The following RAP1B variants were observed in gnomAD, a reference collection of about 807,000 sequenced individuals.
RAP1B encodes RAP1B, member of RAS oncogene family.
A neutral mutation model predicts 27.5 loss-of-function variants in RAP1B; 1 was observed. The ratio of observed to expected loss-of-function variants is 0.04; its 90% CI spans 0.01 to 0.17. The LOEUF (loss-of-function observed/expected upper bound fraction) is 0.17. RAP1B is among the 10% of genes least tolerant of loss of function. RAP1B has a pLI of 1.00. For missense variants in RAP1B, 84 were observed against 214.8 expected (o/e 0.39, Z 3.81); for synonymous variants, 75 against 73.1 (o/e 1.03, Z -0.13).
Position 68,660,279 on chromosome 12 carries a change from C to CAGT in RAP1B, c.*1032_*1034dup. The stretch of plus-strand genomic sequence containing the variant: ...GTAATTGGTCACAAGGCCTAATTTG[C>CAGT]AGTAACTATTGCTGTTTTATTTAAC... On this transcript the variant is annotated 3_prime_UTR_variant, in exon 8 of 8. Transcript: ENST00000250559. 7.3e-6 allele frequency: 1 copy of CAGT among 137,224 alleles called. No individual in the cohort carries two copies. 8.5% of individuals were successfully genotyped at this position (137,224 alleles called of 1,614,324 possible).
At chr12:68,626,797 T>G in intron 1 of RAP1B, 5 of 1,349,748 alleles carry the variant, frequency 3.7e-6, no homozygotes, top group Non-Finnish European at 5.1e-6. Context: ...TGTTTGTTTG[T>G]TTGTTTGTTT....
At chr12:68,626,088 T>G in intron 1 of RAP1B, among the ~76,000 whole-genome samples, 1 of 152,226 alleles carries the variant, frequency 6.6e-6, no homozygotes, top group Admixed American at 6.5e-5. Flanking sequence ...TTCGGCCTTG[T>G]GTTGAAACAG....
In RAP1B at chr12:68,631,045, C is replaced by G. The variant is rs570862479; in HGVS notation, c.-26-17654C>G. 7.3e-4 allele frequency among the ~76,000 whole-genome samples: 111 copies of G among 152,074 alleles called. 3 individuals are homozygous for G. In the South Asian group the frequency reaches 0.022, roughly 30 times the overall value. ...TACATGTGAGGTTGTAGGCAAATAC[C>G]CTAAGTGCTATGTTCTGTGATAGTG... On this transcript the variant is annotated intron_variant, in intron 1 of 7. Transcript: ENST00000250559.
chr12:68,654,276 T>C (rs1427052144), intron 5 of RAP1B, 24 bp downstream of exon 5: 4 of 1,358,274 alleles, frequency 2.9e-6, no homozygotes, highest in Middle Eastern at 2.0e-4. Flanking sequence ...CAAATAAATA[T>C]ATTTTATTTC....
Position 68,660,812 on chromosome 12 carries a change from T to C in RAP1B, c.*1563T>C, listed in dbSNP as rs1874554059. ...CCTTTGGGTAATGTTCAGTAGCTATTTGATGAGGTAGGTAAAAGAGGAACG... is the reference window on the plus strand; with the variant it reads ...CCTTTGGGTAATGTTCAGTAGCTATCTGATGAGGTAGGTAAAAGAGGAACG... On this transcript the variant is annotated 3_prime_UTR_variant, in exon 8 of 8. Transcript: ENST00000250559. The C allele has an allele frequency of 6.6e-6, 1 of 152,200 alleles. No homozygotes were observed. Among genetic ancestry groups the C allele is most frequent in the Non-Finnish European group, 1.5e-5 (1 of 68,028 alleles). 9.4% of individuals were successfully genotyped at this position (152,200 alleles called of 1,614,324 possible).
chr12:68,619,637 G>A lies in RAP1B; in HGVS notation c.-27+8594G>A, dbSNP rs145523219. 1.6e-4 allele frequency among the ~76,000 whole-genome samples: 24 copies of A among 152,260 alleles called. No individual in the cohort carries two copies. In the East Asian group the frequency reaches 4.2e-3, roughly 27 times the overall value. ...AAATGCTATTAAAATATTCCCAACTGTCTAATGTATTTTGTATTACTTATT... is the reference window on the plus strand; with the variant it reads ...AAATGCTATTAAAATATTCCCAACTATCTAATGTATTTTGTATTACTTATT... On this transcript the variant is annotated intron_variant, in intron 1 of 7. Coordinates refer to ENST00000250559, the MANE Select transcript of RAP1B (RefSeq NM_001010942.3).
At chr12:68,656,734 T>C in intron 6 of RAP1B, 1 of 532,302 alleles carries the variant, frequency 1.9e-6, no homozygotes, top group Non-Finnish European at 3.3e-6. Flanking sequence ...TGAAGGATGT[T>C]ATATGAAAAA....
intron 1 of RAP1B, among the ~76,000 whole-genome samples, chr12:68,635,357 G>A (rs913550472): frequency 1.3e-5 from 2 of 152,174 alleles, no homozygotes; most frequent in African/African-American, 4.8e-5. Context: ...AGCTGTTAAA[G>A]TATTACTTTT....
chr12:68,648,695 TAAGGTACTAGG>T lies in RAP1B; in HGVS notation c.-26-3_-19del, dbSNP rs1276136386. Reference sequence around the variant, plus strand: ...AATTCTTTTTTTTTTTTTCCTTTAATAAGGTACTAGGTTTTGACAAGCTTGCATCATGCGTG... The same window carrying T: ...AATTCTTTTTTTTTTTTTCCTTTAATTTTTGACAAGCTTGCATCATGCGTG... On this transcript the variant is annotated splice_acceptor_variant and splice_polypyrimidine_tract_variant and 5_prime_UTR_variant and intron_variant, in exon 2 of 8. Transcript: ENST00000250559. LOFTEE classifies it low-confidence loss of function (5UTR_SPLICE). The T allele has an allele frequency of 6.3e-7, 1 of 1,592,742 alleles. No individual in the cohort carries two copies. The highest frequency in any genetic ancestry group is 1.7e-5 in the Admixed American group (1 of 57,966).
chr12:68,653,122 T>G (rs1873934419), intron 4 of RAP1B, among the ~76,000 whole-genome samples: 1 of 152,126 alleles, frequency 6.6e-6, no homozygotes, highest in African/African-American at 2.4e-5. Context: ...GGCAGGAGAA[T>G]CGCTTGAACC....
chr12:68,615,820 T>A (rs1343229457), intron 1 of RAP1B, among the ~76,000 whole-genome samples: 1 of 152,142 alleles, frequency 6.6e-6, no homozygotes, highest in Non-Finnish European at 1.5e-5. Flanking sequence ...CATATATCAG[T>A]GAGACCTTTT....
At position 68,661,375 on chromosome 12, in the gene RAP1B, A is replaced by G. The variant is rs886425904; in HGVS notation, c.*2126A>G. 8 of 152,304 alleles carry G rather than the reference A, an allele frequency of 5.3e-5. No homozygotes were observed. Among genetic ancestry groups the G allele is most frequent in the Admixed American group, 3.9e-4 (6 of 15,296 alleles). The allele number at this position is 152,304 out of a possible 1,614,324, so 9.4% of individuals were successfully genotyped here. A position where few individuals can be genotyped will look rare whatever the true frequency, so the allele number is the denominator to read the frequency against. On this transcript the variant is annotated 3_prime_UTR_variant, in exon 8 of 8. Coordinates refer to ENST00000250559, the MANE Select transcript of RAP1B (RefSeq NM_001010942.3). The stretch of plus-strand genomic sequence containing the variant: ...AATAAATGTTTGCTGCCTACCAGCT[A>G]TGTACCAGGCCCAGTTCTAGGCTCA...
At chr12:68,651,478 A>T (rs1476036012) in intron 3 of RAP1B, among the ~76,000 whole-genome samples, 1 of 152,138 alleles carries the variant, frequency 6.6e-6, no homozygotes, top group Admixed American at 6.5e-5. Flanking sequence ...TCCCTAGGAA[A>T]TATTAGATGG....
intron 1 of RAP1B, among the ~76,000 whole-genome samples, chr12:68,611,947 C>T (rs1870630185): frequency 6.6e-6 from 1 of 152,170 alleles, no homozygotes; most frequent in African/African-American, 2.4e-5. Context: ...GAGAAAAGAT[C>T]ATTTTTGCAA....
At chr12:68,625,369 A>G (rs1301696199) in intron 1 of RAP1B, among the ~76,000 whole-genome samples, 2 of 152,268 alleles carry the variant, frequency 1.3e-5, no homozygotes, top group Non-Finnish European at 2.9e-5. Flanking sequence ...AATTAGCTGC[A>G]TAAGCCAGTG....
Position 68,653,731 on chromosome 12 carries a change from A to G in RAP1B, c.184-381A>G, listed in dbSNP as rs147723376. On this transcript the variant is annotated intron_variant, in intron 4 of 7. Coordinates refer to ENST00000250559, the MANE Select transcript of RAP1B (RefSeq NM_001010942.3). ...ATCACAAGGTCAGGAGATGGAGATC[A>G]TCCTGGCTAACATGGTGAAAGCCCG... Among the ~76,000 whole-genome samples the G allele has an allele frequency of 7.9e-3, 1,202 of 152,242 alleles. 10 individuals are homozygous for G. Among genetic ancestry groups the G allele is most frequent in the Middle Eastern group, 0.014 (4 of 294 alleles).
At position 68,666,068 on chromosome 12, in the gene RAP1B, G is replaced by T. The variant is rs369008836; in HGVS notation, c.*6819G>T. ...GGGTTTCGCCATCTTGGCCAGGCTG[G>T]TCTTGAACTCCTGACCTCGTGATCC... On this transcript the variant is annotated 3_prime_UTR_variant, in exon 8 of 8. Transcript: ENST00000250559. 6.6e-6 allele frequency: 1 copy of T among 152,210 alleles called. No homozygotes were observed. The highest frequency in any genetic ancestry group is 2.4e-5 in the African/African-American group (1 of 41,460). 9.4% of individuals were successfully genotyped at this position (152,210 alleles called of 1,614,324 possible).
intron 1 of RAP1B, among the ~76,000 whole-genome samples, chr12:68,633,358 G>T (rs1160266187): frequency 6.6e-6 from 1 of 152,136 alleles, no homozygotes; most frequent in Non-Finnish European, 1.5e-5. Flanking sequence ...CACTTAGGAA[G>T]CCTTGCCTGG....
At chr12:68,642,224 G>A (rs1873066226) in intron 1 of RAP1B, among the ~76,000 whole-genome samples, 1 of 152,096 alleles carries the variant, frequency 6.6e-6, no homozygotes, top group Admixed American at 6.6e-5. Context: ...GTTTCAAACT[G>A]CATCCAGTTT....
Sources: allele counts gnomAD v4.1 joint callset (sites outside exome capture counted in the v4.1 genomes callset), GRCh38; gene constraint gnomAD v4.1.1; transcripts MANE v1.5; gene names NCBI Gene and HGNC (gene_info 2026-07-23, HGNC 2026-07-21).